Variants in ZEB2 observed in about 807,000 individuals in gnomAD.
The protein encoded by ZEB2 is zinc finger E-box binding homeobox 2.
In ZEB2, 6 loss-of-function variants were observed where a neutral mutation model predicts 99.9. The observed-to-expected ratio is 0.06, with a 90% CI of 0.03 to 0.12. The LOEUF (loss-of-function observed/expected upper bound fraction) is 0.12, where lower values mean the gene tolerates loss of function less well. Among genes scored for constraint, ZEB2 ranks in the 10% least tolerant of loss-of-function variants. The probability of loss-of-function intolerance (pLI) is 1.00; values close to 1 mark genes in which losing one functional copy is unlikely to be tolerated. For synonymous variants in ZEB2, 517 were observed against 542.5 expected (o/e 0.95, Z 0.65); for missense variants, 969 against 1,502.8 (o/e 0.64, Z 5.87).
At chr2:144,463,363 A>G (rs1305444496) in intron 2 of ZEB2, 1 of 152,186 alleles carries the variant, frequency 6.6e-6, no homozygotes, top group Non-Finnish European at 1.5e-5. Flanking sequence ...CAAAACTAAT[A>G]GCCAAAGCAA....
chr2:144,458,798 A>C (rs1396955752), intron 2 of ZEB2, among the ~76,000 whole-genome samples: 1 of 152,200 alleles, frequency 6.6e-6, no homozygotes, highest in Non-Finnish European at 1.5e-5. Context: ...TGGTTCCTGC[A>C]ACTTAAATAA....
At chr2:144,444,421 T>C (rs1464451912) in intron 2 of ZEB2, among the ~76,000 whole-genome samples, 1 of 152,208 alleles carries the variant, frequency 6.6e-6, no homozygotes, top group Non-Finnish European at 1.5e-5. Context: ...TGAAGCACAA[T>C]TCTGAATGGC....
chr2:144,483,117 G>C (rs1402588772), intron 2 of ZEB2, among the ~76,000 whole-genome samples: 1 of 130,762 alleles, frequency 7.6e-6, no homozygotes, highest in Non-Finnish European at 1.6e-5. Flanking sequence ...GTTTAGGTAA[G>C]ACACACACAC....
At chr2:144,416,880 T>C (rs1283084524) in intron 4 of ZEB2, among the ~76,000 whole-genome samples, 1 of 152,246 alleles carries the variant, frequency 6.6e-6, no homozygotes, top group Non-Finnish European at 1.5e-5. Context: ...CCCTCTACAA[T>C]ACTGAACACT....
intron 9 of ZEB2, 147 bp from the exon 10 acceptor site, chr2:144,390,175 T>C: frequency 1.1e-6 from 1 of 892,768 alleles, no homozygotes; most frequent in South Asian, 1.4e-5. Context: ...CGATGGAGAG[T>C]TAGGAAGATG....
chr2:144,411,998 G>A (rs554024566), intron 4 of ZEB2, among the ~76,000 whole-genome samples: 22 of 152,338 alleles, frequency 1.4e-4, no homozygotes, highest in South Asian at 1.2e-3. Flanking sequence ...GGCCGGGCAC[G>A]GTGGCTTACG....
chr2:144,458,813 A>C (rs1260709368), intron 2 of ZEB2, among the ~76,000 whole-genome samples: 1 of 152,204 alleles, frequency 6.6e-6, no homozygotes, highest in Non-Finnish European at 1.5e-5. Context: ...AAATAATTTA[A>C]ACATCCAGGT....
chr2:144,407,703 G>A (rs549343273), intron 4 of ZEB2, among the ~76,000 whole-genome samples: 2 of 152,292 alleles, frequency 1.3e-5, no homozygotes, highest in Admixed American at 1.3e-4. Flanking sequence ...ACAAAGTAAC[G>A]TAATAGCTCC....
chr2:144,396,371 AG>A, intron 9 of ZEB2, 40 bp downstream of exon 9: 1 of 1,607,262 alleles, frequency 6.2e-7, no homozygotes, highest in Non-Finnish European at 8.5e-7. Flanking sequence ...AATGTACAGC[AG>A]GACGGGAAGC....
At chr2:144,393,811 T>C (rs1703184681) in intron 9 of ZEB2, among the ~76,000 whole-genome samples, 1 of 152,206 alleles carries the variant, frequency 6.6e-6, no homozygotes, top group South Asian at 2.1e-4. Flanking sequence ...AGAGCAACCA[T>C]TGAATGATTA....
At chr2:144,491,564 G>A (rs1704682499) in intron 2 of ZEB2, among the ~76,000 whole-genome samples, 1 of 152,112 alleles carries the variant, frequency 6.6e-6, no homozygotes, top group Non-Finnish European at 1.5e-5. Context: ...TTTAATCCAT[G>A]CAAAGAAAAC....
At chr2:144,513,841 G>A in intron 2 of ZEB2, 6 of 1,534,616 alleles carry the variant, frequency 3.9e-6, no homozygotes, top group Non-Finnish European at 5.2e-6. Flanking sequence ...AGAAAAAGGG[G>A]GGCTGGGTTT....
chr2:144,398,681 T>C lies in ZEB2; in HGVS notation c.2506A>G (p.Lys836Glu). 1 of 1,614,000 alleles carries C rather than the reference T, an allele frequency of 6.2e-7. No individual in the cohort carries two copies. Among genetic ancestry groups the C allele is most frequent in the Non-Finnish European group, 8.5e-7 (1 of 1,179,986 alleles). Reference protein sequence around the residue: ...EPKSIIATKNKTKASSISLDH... With the variant: ...EPKSIIATKNETKASSISLDH... ...AAACTGATGCTACTAGCTTTTGTTT[T>C]GTTCTTTGTGGCTATAATACTTTTG... The change falls in exon 8 of 10, where the codon AAA becomes GAA. Residue 836 changes from lysine to glutamate, a missense_variant. Lys to Glu is a moderately conservative substitution (Grantham distance 56). This residue lies in a region of ZEB2 where 346 missense variants were observed against 460.0 expected (regional missense o/e 0.75). Coordinates refer to ENST00000627532, the MANE Select transcript of ZEB2 (RefSeq NM_014795.4).
chr2:144,498,080 T>TG (rs1704811125), intron 2 of ZEB2, among the ~76,000 whole-genome samples: 6 of 91,104 alleles, frequency 6.6e-5, no homozygotes, highest in African/African-American at 2.6e-4. Flanking sequence ...TATTATATAT[T>TG]ATATAATATA....
At chr2:144,441,785 C>G (rs1024933457) in intron 2 of ZEB2, among the ~76,000 whole-genome samples, 2 of 152,120 alleles carry the variant, frequency 1.3e-5, no homozygotes, top group African/African-American at 4.8e-5. Context: ...GATCTATGAC[C>G]CACACCCTAA....
At position 144,502,113 on chromosome 2, in the gene ZEB2, C is replaced by T. The variant is rs557910488; in HGVS notation, c.73+15165G>A. Among the ~76,000 whole-genome samples the T allele has an allele frequency of 2.0e-4, 31 of 152,236 alleles. 1 individual carries two copies. In the East Asian group the frequency reaches 4.4e-3, roughly 22 times the overall value. On this transcript the variant is annotated intron_variant, in intron 2 of 9. Coordinates refer to ENST00000627532, the MANE Select transcript of ZEB2 (RefSeq NM_014795.4). Reference sequence around the variant, plus strand: ...GTAGAAATGTGGATGTGTTTTACCCCGGAGATTCCATTTCAGATTCTTAGT... The same window carrying T: ...GTAGAAATGTGGATGTGTTTTACCCTGGAGATTCCATTTCAGATTCTTAGT...
intron 2 of ZEB2, among the ~76,000 whole-genome samples, chr2:144,449,245 G>A (rs187932917): frequency 6.6e-6 from 1 of 152,318 alleles, no homozygotes; most frequent in African/African-American, 2.4e-5. Context: ...AGAGGAAGCC[G>A]GGTTGGGAAG....
chr2:144,480,109 T>C (rs774379173), intron 2 of ZEB2, among the ~76,000 whole-genome samples: 5 of 152,218 alleles, frequency 3.3e-5, no homozygotes, highest in Non-Finnish European at 7.3e-5. Context: ...ATTTTAGGCA[T>C]AGTTGACTAA....
At chr2:144,464,573 T>A (rs187201578) in intron 2 of ZEB2, among the ~76,000 whole-genome samples, 73 of 152,298 alleles carry the variant, frequency 4.8e-4, no homozygotes, top group Non-Finnish European at 8.4e-4. Context: ...TGGTTTTTTT[T>A]AATTTGTTTT....
Sources: gnomAD v4.1 joint callset for allele counts (sites outside exome capture counted in the v4.1 genomes callset) on GRCh38, gnomAD v4.1.1 for gene constraint, gnomAD v4.1.1 regional missense constraint, MANE v1.5 for transcripts, NCBI Gene and HGNC (gene_info 2026-07-23, HGNC 2026-07-21) for gene names.